CNTLN: variants seen among roughly 807,000 people sequenced by gnomAD.
CNTLN encodes the protein centlein.
A neutral mutation model predicts 180.0 loss-of-function variants in CNTLN; 212 were observed. The observed-to-expected ratio is 1.18, with a 90% CI of 1.05 to 1.32. CNTLN has a LOEUF of 1.32. Among genes scored for constraint, CNTLN ranks in the 40% most tolerant of loss-of-function variants. The pLI, the probability that CNTLN is intolerant of heterozygous loss-of-function variation, is 0.00. For synonymous variants in CNTLN, 722 were observed against 563.1 expected (o/e 1.28, Z -3.99); for missense variants, 2,095 against 1,610.9 (o/e 1.30, Z -5.14).
intron 2 of CNTLN, among the ~76,000 whole-genome samples, chr9:17,216,495 G>A (rs765556106): frequency 1.3e-5 from 2 of 151,926 alleles, no homozygotes; most frequent in African/African-American, 2.4e-5. Context: ...TTTATTGGCC[G>A]GTTTATTAAG....
chr9:17,141,140 G>A (rs1818060269), intron 1 of CNTLN, among the ~76,000 whole-genome samples: 1 of 152,170 alleles, frequency 6.6e-6, no homozygotes, highest in East Asian at 1.9e-4. Flanking sequence ...TAACCCATAA[G>A]GCAAGGGAGG....
intron 2 of CNTLN, among the ~76,000 whole-genome samples, chr9:17,146,595 G>A (rs920094966): frequency 6.6e-6 from 1 of 152,110 alleles, no homozygotes; most frequent in Non-Finnish European, 1.5e-5. Context: ...CATTTACATG[G>A]AACAGACCCT....
intron 18 of CNTLN, among the ~76,000 whole-genome samples, chr9:17,442,232 G>A (rs927078659): frequency 6.6e-6 from 1 of 152,214 alleles, no homozygotes; most frequent in East Asian, 1.9e-4. Context: ...CTTCTCAAGT[G>A]CACATGAAAT....
At chr9:17,282,641 T>C (rs593552) in intron 6 of CNTLN, among the ~76,000 whole-genome samples, 26,717 of 152,170 alleles carry the variant, frequency 0.18, 2,648 homozygotes, top group South Asian at 0.28. Flanking sequence ...TTTGATGTTT[T>C]TGTCATGAAA....
In CNTLN at chr9:17,454,068, G is replaced by A. The variant is rs73414431; in HGVS notation, c.3115-3456G>A. On this transcript the variant is annotated intron_variant, in intron 18 of 25. Coordinates refer to ENST00000380647, the MANE Select transcript of CNTLN (RefSeq NM_017738.4). ...TTTCTGGGTCCCATACAAGGGGAGGGTATTGTACCAGAGCATGAGTCATCT... is the reference window on the plus strand; with the variant it reads ...TTTCTGGGTCCCATACAAGGGGAGGATATTGTACCAGAGCATGAGTCATCT... Among the ~76,000 whole-genome samples, 1,248 of 152,244 alleles carry A rather than the reference G, an allele frequency of 8.2e-3. 13 individuals are homozygous for A. Among genetic ancestry groups the A allele is most frequent in the African/African-American group, 0.028 (1,147 of 41,536 alleles).
chr9:17,513,537 A>G, the CNTLN span, among the ~76,000 whole-genome samples: 1 of 152,118 alleles, frequency 6.6e-6, no homozygotes, highest in African/African-American at 2.4e-5. Flanking sequence ...CTGTACAAAA[A>G]ATACAAAAAA....
chr9:17,294,837 AGGG>A (rs1332209473), intron 6 of CNTLN, among the ~76,000 whole-genome samples: 1 of 17,372 alleles, frequency 5.8e-5, no homozygotes, highest in African/African-American at 3.5e-4. Context: ...GGCGGGGAGG[AGGG>A]GGGAGGGCGG....
At position 17,203,596 on chromosome 9, in the gene CNTLN, G is replaced by A. The variant is rs143199861; in HGVS notation, c.450-22607G>A. ...TTTTGAGACAGAGTCTCACTCTGTC[G>A]CCAAGGCTGGAGTGCAGTGGCGCGA... is the stretch of plus-strand genomic sequence containing the variant. On this transcript the variant is annotated intron_variant, in intron 2 of 25. Coordinates refer to ENST00000380647, the MANE Select transcript of CNTLN (RefSeq NM_017738.4). Among the ~76,000 whole-genome samples the A allele has an allele frequency of 5.4e-3, 814 of 151,992 alleles. 6 individuals are homozygous for A. Among genetic ancestry groups the A allele is most frequent in the African/African-American group, 0.019 (781 of 41,464 alleles).
At chr9:17,436,050 C>G (rs942653697) in intron 18 of CNTLN, among the ~76,000 whole-genome samples, 3 of 152,030 alleles carry the variant, frequency 2.0e-5, no homozygotes, top group African/African-American at 7.2e-5. Flanking sequence ...GTGGTCTAGC[C>G]TCCTTTTGTG....
At chr9:17,277,409 A>G (rs1828381514) in intron 6 of CNTLN, among the ~76,000 whole-genome samples, 2 of 152,086 alleles carry the variant, frequency 1.3e-5, no homozygotes, top group African/African-American at 4.8e-5. Flanking sequence ...ATACATCTGG[A>G]TTGCTGGTTT....
chr9:17,313,241 T>G (rs1444727450), intron 8 of CNTLN, among the ~76,000 whole-genome samples: 2 of 152,194 alleles, frequency 1.3e-5, no homozygotes, highest in Admixed American at 6.5e-5. Flanking sequence ...ATCCTGTTGT[T>G]TATAATCCAT....
intron 2 of CNTLN, among the ~76,000 whole-genome samples, chr9:17,216,205 C>T (rs775145741): frequency 6.6e-6 from 1 of 152,222 alleles, no homozygotes; most frequent in East Asian, 1.9e-4. Context: ...GTCCCCCAGG[C>T]TATTTTTAAT....
chr9:17,298,405 A>G (rs1437927852), intron 7 of CNTLN, 53 bp downstream of exon 7: 3 of 1,394,838 alleles, frequency 2.2e-6, no homozygotes, highest in Admixed American at 2.9e-5. Flanking sequence ...GAACTTATGA[A>G]CATATATAGA....
At chr9:17,425,551 C>T (rs941052523) in intron 18 of CNTLN, among the ~76,000 whole-genome samples, 1 of 152,078 alleles carries the variant, frequency 6.6e-6, no homozygotes, top group Non-Finnish European at 1.5e-5. Context: ...GATTTTGGTG[C>T]CAAGAACAGG....
At position 17,288,383 on chromosome 9, in the gene CNTLN, T is replaced by C. The variant is rs1242274427; in HGVS notation, c.984-9807T>C. On this transcript the variant is annotated intron_variant, in intron 6 of 25. Transcript: ENST00000380647. ...CTGCGGTCTGAGAGATAGTTTGTTATAATTTCTGTTCTTTTACATTTGCTG... is the reference window on the plus strand; with the variant it reads ...CTGCGGTCTGAGAGATAGTTTGTTACAATTTCTGTTCTTTTACATTTGCTG... 6.8e-5 allele frequency among the ~76,000 whole-genome samples: 9 copies of C among 132,828 alleles called. 1 individual carries two copies. Among genetic ancestry groups the C allele is most frequent in the African/African-American group, 2.8e-4 (9 of 31,666 alleles). 87.1% of individuals were successfully genotyped at this position (132,828 alleles called of 152,430 possible). A position where few individuals can be genotyped will look rare whatever the true frequency, so the allele number is the denominator to read the frequency against.
At chr9:17,153,288 G>C (rs555700813) in intron 2 of CNTLN, among the ~76,000 whole-genome samples, 1 of 152,164 alleles carries the variant, frequency 6.6e-6, no homozygotes, top group Non-Finnish European at 1.5e-5. Flanking sequence ...TGCAGTGGCC[G>C]ATACCAGTTG....
intron 12 of CNTLN, among the ~76,000 whole-genome samples, chr9:17,354,750 G>A (rs946343752): frequency 1.3e-5 from 2 of 152,078 alleles, no homozygotes; most frequent in African/African-American, 4.8e-5. Context: ...ATAAAAGCAG[G>A]CTGCCCGAGC....
At chr9:17,214,123 T>G (rs1030262318) in intron 2 of CNTLN, among the ~76,000 whole-genome samples, 13 of 152,192 alleles carry the variant, frequency 8.5e-5, no homozygotes, top group Non-Finnish European at 1.6e-4. Context: ...ATTTTGCTTA[T>G]TAGTTGATGC....
Position 17,415,891 on chromosome 9 carries a change from T to C in CNTLN, c.2890+10T>C. 6.3e-7 allele frequency: 1 copy of C among 1,592,796 alleles called. No homozygotes were observed. The highest frequency in any genetic ancestry group is 8.6e-7 in the Non-Finnish European group (1 of 1,165,022). On this transcript the variant is annotated intron_variant, in intron 17 of 25. Coordinates refer to ENST00000380647, the MANE Select transcript of CNTLN (RefSeq NM_017738.4). ...GCAGTTCCTACTAGAGGTAAGAATG[T>C]ATATGCAATTAACAATATGTCTTTT...
Sources: gnomAD v4.1 joint callset for allele counts (sites outside exome capture counted in the v4.1 genomes callset) on GRCh38, gnomAD v4.1.1 for gene constraint, MANE v1.5 for transcripts, NCBI Gene and HGNC (gene_info 2026-07-23, HGNC 2026-07-21) for gene names.